The following ZNF609 variants were observed in gnomAD, a reference collection of about 807,000 sequenced individuals.
ZNF609 encodes zinc finger protein 609.
In ZNF609, 11 loss-of-function variants were observed where a neutral mutation model predicts 109.5. That is an observed-to-expected ratio of 0.10 (90% CI 0.06 to 0.17). The LOEUF (loss-of-function observed/expected upper bound fraction) is 0.17, where lower values mean the gene tolerates loss of function less well. Ranked by LOEUF, ZNF609 falls within the 10% of genes least tolerant of loss-of-function variation. The pLI, the probability that ZNF609 is intolerant of heterozygous loss-of-function variation, is 1.00. For synonymous variants in ZNF609, 646 were observed against 662.0 expected, an observed-to-expected ratio of 0.98 and a Z score of 0.37; for missense variants, 1,559 against 1,772.4, an observed-to-expected ratio of 0.88 and a Z score of 2.16.
chr15:64,550,089 C>G (rs1453461217), intron 2 of ZNF609, among the ~76,000 whole-genome samples: 1 of 151,940 alleles, frequency 6.6e-6, no homozygotes, highest in Non-Finnish European at 1.5e-5. Flanking sequence ...GTAGCTAGGG[C>G]TACAGGCATG....
At chr15:64,589,364 A>G (rs555430603) in intron 2 of ZNF609, among the ~76,000 whole-genome samples, 174 of 151,694 alleles carry the variant, frequency 1.1e-3, no homozygotes, top group Non-Finnish European at 1.9e-3. Context: ...ACATTTAATA[A>G]CAACAGAAAC....
chr15:64,670,980 C>A (rs1313411559), intron 4 of ZNF609, among the ~76,000 whole-genome samples: 1 of 150,996 alleles, frequency 6.6e-6, no homozygotes, highest in South Asian at 2.1e-4. Context: ...GAGGCCAAGG[C>A]GGGTGGATCA....
intron 2 of ZNF609, among the ~76,000 whole-genome samples, chr15:64,599,318 T>G (rs1028213783): frequency 3.3e-5 from 5 of 152,054 alleles, no homozygotes; most frequent in African/African-American, 1.2e-4. Flanking sequence ...CTTTCAGTGA[T>G]GGACTGTCAT....
chr15:64,578,381 A>G lies in ZNF609; in HGVS notation c.748-44446A>G, dbSNP rs1408393545. Among the ~76,000 whole-genome samples, 10 of 152,194 alleles carry G rather than the reference A, an allele frequency of 6.6e-5. No individual in the cohort carries two copies. The East Asian group carries it at 1.9e-3, about 29-fold the overall frequency. On this transcript the variant is annotated intron_variant, in intron 2 of 9. Transcript: ENST00000326648. ...ATTCTTTACTTGGAATGATTCATTTACAGGAAAATTAATTATTTAATAAGG... is the reference window on the plus strand; with the variant it reads ...ATTCTTTACTTGGAATGATTCATTTGCAGGAAAATTAATTATTTAATAAGG...
intron 3 of ZNF609, among the ~76,000 whole-genome samples, chr15:64,637,845 G>A (rs997292641): frequency 1.3e-5 from 2 of 151,408 alleles, no homozygotes; most frequent in African/African-American, 4.8e-5. Flanking sequence ...TGTTAATGGT[G>A]TCTTTGTCTT....
chr15:64,573,346 C>CTTCT (rs1555420099), intron 2 of ZNF609, among the ~76,000 whole-genome samples: 5 of 72,950 alleles, frequency 6.9e-5, no homozygotes, highest in Admixed American at 2.2e-4. Flanking sequence ...GCCCAACTTT[C>CTTCT]TTTTTTTTTT....
chr15:64,566,974 A>T (rs1158110531), intron 2 of ZNF609, among the ~76,000 whole-genome samples: 1 of 152,174 alleles, frequency 6.6e-6, no homozygotes, highest in Non-Finnish European at 1.5e-5. Flanking sequence ...TGTGATAAGC[A>T]TTGGGAAATC....
chr15:64,526,404 T>A (rs1378859477), intron 2 of ZNF609, among the ~76,000 whole-genome samples: 1 of 152,176 alleles, frequency 6.6e-6, no homozygotes, highest in East Asian at 1.9e-4. Flanking sequence ...TTGAGATCCT[T>A]TTACTTCTTA....
chr15:64,638,036 T>TATATATATATAAAATATATATAAAAATAC (rs1255859840), intron 3 of ZNF609, among the ~76,000 whole-genome samples: 3,371 of 144,826 alleles, frequency 0.023, 68 homozygotes, highest in South Asian at 0.076. Flanking sequence ...TAAAAATACA[T>TATATATATATAAAATATATATAAAAATAC]ATATATATAT....
At chr15:64,558,594 G>A (rs1894627618) in intron 2 of ZNF609, among the ~76,000 whole-genome samples, 1 of 152,068 alleles carries the variant, frequency 6.6e-6, no homozygotes, top group Admixed American at 6.6e-5. Context: ...TCCTCTTTGT[G>A]TTGCCACAGA....
At chr15:64,479,932 A>G (rs1893228522) in intron 1 of ZNF609, among the ~76,000 whole-genome samples, 1 of 151,544 alleles carries the variant, frequency 6.6e-6, no homozygotes. Context: ...TTTAAAAAAA[A>G]TTAAAAATGA....
chr15:64,661,604 C>T (rs1896577722), intron 3 of ZNF609, among the ~76,000 whole-genome samples: 1 of 152,196 alleles, frequency 6.6e-6, no homozygotes, highest in Non-Finnish European at 1.5e-5. Flanking sequence ...CTCAATGCTA[C>T]TGGAATATTC....
chr15:64,655,350 C>A (rs1595754051), intron 3 of ZNF609, among the ~76,000 whole-genome samples: 1 of 150,576 alleles, frequency 6.6e-6, no homozygotes, highest in Non-Finnish European at 1.5e-5. Flanking sequence ...GCAGGAGAAT[C>A]GCTTGAACCT....
At chr15:64,508,554 C>T (rs1893668037) in intron 2 of ZNF609, among the ~76,000 whole-genome samples, 2 of 151,998 alleles carry the variant, frequency 1.3e-5, no homozygotes. Context: ...TGAGAGGGGA[C>T]TACTTTCTTT....
rs1895334571 is a variant in ZNF609 at position 64,593,291 on chromosome 15, G to C, written c.748-29536G>C. 4.7e-6 allele frequency: 7 copies of C among 1,486,326 alleles called. No homozygotes were observed. The Admixed American group carries it at 1.2e-4, about 25-fold the overall frequency. 92.1% of individuals were successfully genotyped at this position (1,486,326 alleles called of 1,614,324 possible). On this transcript the variant is annotated intron_variant, in intron 2 of 9. Transcript: ENST00000326648. ...ACCCCCACCCCGATTTAGACCTGCG[G>C]GTGCTGCCCCACGTCCCCCACCAAA... is the stretch of plus-strand genomic sequence containing the variant.
intron 3 of ZNF609, among the ~76,000 whole-genome samples, chr15:64,648,769 T>A (rs370524958): frequency 0.031 from 4,352 of 140,200 alleles, 68 homozygotes; most frequent in South Asian, 0.079. Flanking sequence ...AAAAAAAAAA[T>A]TAGGGAAAGC....
rs889098160 is a variant in ZNF609 at position 64,499,275 on chromosome 15, T to A, written c.-127-18T>A. The stretch of plus-strand genomic sequence containing the variant: ...TGTATTGTTTCTTTTAACAGCTTTT[T>A]AAATTTTCTTTTTCCAGCAATGATG... On this transcript the variant is annotated intron_variant, in intron 1 of 9. Transcript: ENST00000326648. The A allele has an allele frequency of 3.5e-4, 393 of 1,127,350 alleles. No homozygotes were observed. Among genetic ancestry groups the A allele is most frequent in the Non-Finnish European group, 4.7e-4 (383 of 811,452 alleles). 69.8% of individuals were successfully genotyped at this position (1,127,350 alleles called of 1,614,324 possible).
At chr15:64,677,553 T>C (rs1405700794) in intron 5 of ZNF609, among the ~76,000 whole-genome samples, 2 of 152,190 alleles carry the variant, frequency 1.3e-5, no homozygotes, top group African/African-American at 2.4e-5. Context: ...CTCTATTTTT[T>C]AGAGTAGGTC....
At chr15:64,648,739 A>G (rs1027997909) in intron 3 of ZNF609, among the ~76,000 whole-genome samples, 8 of 142,784 alleles carry the variant, frequency 5.6e-5, no homozygotes, top group African/African-American at 2.1e-4. Context: ...GACCACCACC[A>G]CATACCAAAA....
Sources: gnomAD v4.1 joint callset for allele counts (sites outside exome capture counted in the v4.1 genomes callset) on GRCh38, gnomAD v4.1.1 for gene constraint, MANE v1.5 for transcripts, NCBI Gene and HGNC (gene_info 2026-07-23, HGNC 2026-07-21) for gene names.